NELL1: variants seen among roughly 807,000 people sequenced by gnomAD.
NELL1 encodes the protein protein kinase C-binding protein NELL1.
NELL1 carries 76 observed loss-of-function variants against 107.4 expected under a neutral mutation model. That is an observed-to-expected ratio of 0.71 (90% confidence interval 0.59 to 0.86). The LOEUF (loss-of-function observed/expected upper bound fraction) is 0.86. Ranked by LOEUF, NELL1 falls within the 40% of genes least tolerant of loss-of-function variation. NELL1 has a pLI of 0.00. For synonymous variants in NELL1, 353 were observed against 341.2 expected, an observed-to-expected ratio of 1.03 and a Z score of -0.38; for missense variants, 1,024 against 1,005.5, an observed-to-expected ratio of 1.02 and a Z score of -0.25.
chr11:20,918,094 C>A, intron 5 of NELL1, 88 bp from the exon 6 acceptor site: 1 of 780,448 alleles, frequency 1.3e-6, no homozygotes. Context: ...GAAAAATAAT[C>A]TGACCTGCCA....
intron 4 of NELL1, among the ~76,000 whole-genome samples, chr11:20,870,319 GTT>G (rs1199170886): frequency 6.6e-6 from 1 of 152,042 alleles, no homozygotes; most frequent in African/African-American, 2.4e-5. Context: ...CTACTATGCA[GTT>G]TTTTTCCTTC....
chr11:21,334,598 A>G (rs1303985110), intron 14 of NELL1, among the ~76,000 whole-genome samples: 3 of 151,534 alleles, frequency 2.0e-5, no homozygotes, highest in Non-Finnish European at 3.0e-5. Context: ...CTTTCTTTCT[A>G]TTTCTATTAT....
intron 12 of NELL1, among the ~76,000 whole-genome samples, chr11:21,066,468 A>T (rs1053994960): frequency 6.6e-6 from 1 of 152,178 alleles, no homozygotes; most frequent in African/African-American, 2.4e-5. Flanking sequence ...TGGACTAGGG[A>T]TTTAGACTTT....
chr11:20,720,116 C>T (rs960812425), intron 2 of NELL1, among the ~76,000 whole-genome samples: 4 of 151,734 alleles, frequency 2.6e-5, no homozygotes, highest in Non-Finnish European at 4.4e-5. Flanking sequence ...GATGAGAAAA[C>T]GTTGTTGCTT....
chr11:21,482,797 TTTTGTTTG>T lies in NELL1; in HGVS notation c.1646-51561_1646-51554del, dbSNP rs146095075. On this transcript the variant is annotated intron_variant, in intron 15 of 19. Coordinates refer to ENST00000357134, the MANE Select transcript of NELL1 (RefSeq NM_006157.5). ...AGAAAAACTGTGACAGTGCCTTTCC[TTTTGTTTG>T]TTTGTTTGTTTGTTTTTCCCCCCAA... Among the ~76,000 whole-genome samples, 79 of 151,640 alleles carry T rather than the reference TTTTGTTTG, an allele frequency of 5.2e-4. 1 individual carries two copies. In the South Asian group the frequency reaches 0.015, roughly 28 times the overall value.
intron 14 of NELL1, among the ~76,000 whole-genome samples, chr11:21,354,631 A>G (rs1391633375): frequency 1.3e-5 from 2 of 152,324 alleles, no homozygotes; most frequent in East Asian, 3.9e-4. Flanking sequence ...TTTTTAAACA[A>G]AAGCAGAAAA....
rs150116083 is a variant in NELL1, at chr11:21,317,230, T to C, written c.1550-53623T>C. Among the ~76,000 whole-genome samples the C allele has an allele frequency of 3.2e-3, 488 of 152,050 alleles. 3 individuals are homozygous for C. Among genetic ancestry groups the C allele is most frequent in the African/African-American group, 0.011 (461 of 41,510 alleles). ...ATTGTAGTAGCTATATACTATTCCATTGATTGCATAAATTAAAATTTACTT... is the reference window on the plus strand; with the variant it reads ...ATTGTAGTAGCTATATACTATTCCACTGATTGCATAAATTAAAATTTACTT... On this transcript the variant is annotated intron_variant, in intron 14 of 19. Transcript: ENST00000357134.
intron 15 of NELL1, among the ~76,000 whole-genome samples, chr11:21,371,591 A>T (rs1463112697): frequency 6.6e-6 from 1 of 152,100 alleles, no homozygotes; most frequent in Non-Finnish European, 1.5e-5. Flanking sequence ...TATAAGTGAA[A>T]TTTGATGTTC....
chr11:20,866,436 A>G (rs1230567437), intron 4 of NELL1, among the ~76,000 whole-genome samples: 1 of 152,132 alleles, frequency 6.6e-6, no homozygotes, highest in Admixed American at 6.5e-5. Flanking sequence ...GGTAAGATGG[A>G]CTCTCTGGTA....
At position 20,893,468 on chromosome 11, in the gene NELL1, T is replaced by G. The variant is rs936444319; in HGVS notation, c.603+7928T>G. Among the ~76,000 whole-genome samples, 4 of 151,872 alleles carry G rather than the reference T, an allele frequency of 2.6e-5. No individual in the cohort carries two copies. The South Asian group carries it at 8.3e-4, about 32-fold the overall frequency. ...AAAGGTGATCTGATTTAAAGTGTTCTAAGGCCTGATTTCAAGTGTTCTAAG... is the reference window on the plus strand; with the variant it reads ...AAAGGTGATCTGATTTAAAGTGTTCGAAGGCCTGATTTCAAGTGTTCTAAG... On this transcript the variant is annotated intron_variant, in intron 5 of 19. Coordinates refer to ENST00000357134, the MANE Select transcript of NELL1 (RefSeq NM_006157.5).
intron 11 of NELL1, among the ~76,000 whole-genome samples, chr11:20,951,603 C>A (rs1851069499): frequency 6.6e-6 from 1 of 152,052 alleles, no homozygotes; most frequent in Non-Finnish European, 1.5e-5. Flanking sequence ...ATGAATATAA[C>A]CAAGTAAACA....
At chr11:21,113,744 T>C (rs1467700073) in intron 13 of NELL1, 30 bp downstream of exon 13, 1 of 1,606,284 alleles carries the variant, frequency 6.2e-7, no homozygotes, top group South Asian at 1.1e-5. Flanking sequence ...GTTGTTTTTT[T>C]AATTCATCCA....
chr11:20,703,727 G>T (rs185117901), intron 2 of NELL1, among the ~76,000 whole-genome samples: 1 of 152,302 alleles, frequency 6.6e-6, no homozygotes, highest in East Asian at 1.9e-4. Context: ...TGGTTTCAGA[G>T]AACATCTTTA....
intron 14 of NELL1, among the ~76,000 whole-genome samples, chr11:21,344,258 A>G (rs552042619): frequency 1.7e-3 from 263 of 152,304 alleles, no homozygotes; most frequent in African/African-American, 5.9e-3. Flanking sequence ...TCAATACTCA[A>G]TTGCAGCAGG....
chr11:21,538,562 T>C (rs1017894159), intron 16 of NELL1, among the ~76,000 whole-genome samples: 1 of 152,094 alleles, frequency 6.6e-6, no homozygotes, highest in Non-Finnish European at 1.5e-5. Context: ...CAGGAGAAAA[T>C]AGTACACAAA....
intron 15 of NELL1, among the ~76,000 whole-genome samples, chr11:21,375,591 C>T (rs1164033538): frequency 6.6e-6 from 1 of 152,020 alleles, no homozygotes; most frequent in East Asian, 1.9e-4. Flanking sequence ...ATTGCTGGAT[C>T]AAATAGTAGT....
intron 13 of NELL1, among the ~76,000 whole-genome samples, chr11:21,190,741 A>G (rs1416351645): frequency 2.0e-5 from 3 of 151,898 alleles, no homozygotes; most frequent in Non-Finnish European, 4.4e-5. Flanking sequence ...TCTAAAGATT[A>G]TATTTTCTCA....
chr11:21,354,661 G>A (rs1850889782), intron 14 of NELL1, among the ~76,000 whole-genome samples: 1 of 152,206 alleles, frequency 6.6e-6, no homozygotes, highest in Non-Finnish European at 1.5e-5. Flanking sequence ...AATCTGAGAA[G>A]TTGTTCAGGT....
intron 2 of NELL1, among the ~76,000 whole-genome samples, chr11:20,678,596 A>G (rs1191718673): frequency 6.6e-6 from 1 of 152,182 alleles, no homozygotes; most frequent in Admixed American, 6.5e-5. Context: ...TGTTTCTCAC[A>G]ATTCTGGAGG....
Sources: allele counts gnomAD v4.1 joint callset (sites outside exome capture counted in the v4.1 genomes callset), GRCh38; gene constraint gnomAD v4.1.1; transcripts MANE v1.5; gene names NCBI Gene and HGNC (gene_info 2026-07-23, HGNC 2026-07-21).